Variants in TBC1D14 observed in about 807,000 individuals in gnomAD.
The protein encoded by TBC1D14 is TBC1 domain family member 14.
A neutral mutation model predicts 79.0 loss-of-function variants in TBC1D14; 26 were observed. That is an observed-to-expected ratio of 0.33 (90% confidence interval 0.24 to 0.46). TBC1D14 has a LOEUF of 0.46. Among genes scored for constraint, TBC1D14 ranks in the 20% least tolerant of loss-of-function variants. The probability of loss-of-function intolerance (pLI) is 1.00; values close to 1 mark genes in which losing one functional copy is unlikely to be tolerated. For missense variants in TBC1D14, 769 were observed against 887.6 expected (o/e 0.87, Z 1.70); for synonymous variants, 394 against 349.9 (o/e 1.13, Z -1.40).
intron 9 of TBC1D14, chr4:7,007,438 A>G (rs1720314346): frequency 2.6e-6 from 2 of 769,960 alleles, no homozygotes; most frequent in Non-Finnish European, 3.8e-6. Flanking sequence ...TCCCTTTCTT[A>G]TCTATAACGG....
intron 3 of TBC1D14, among the ~76,000 whole-genome samples, chr4:6,984,032 C>A (rs1717604211): frequency 1.3e-5 from 2 of 151,458 alleles, no homozygotes; most frequent in South Asian, 4.2e-4. Flanking sequence ...AATTCAGGAA[C>A]AGGAAACACA....
intron 3 of TBC1D14, among the ~76,000 whole-genome samples, chr4:6,992,086 G>A (rs1410086579): frequency 1.3e-5 from 2 of 152,314 alleles, no homozygotes; most frequent in African/African-American, 4.8e-5. Context: ...AGCACTCCCT[G>A]TGCACCAGAG....
intron 2 of TBC1D14, among the ~76,000 whole-genome samples, chr4:6,952,473 C>T (rs1195009113): frequency 1.3e-5 from 2 of 152,244 alleles, no homozygotes; most frequent in Admixed American, 1.3e-4. Flanking sequence ...AGACTAGGTG[C>T]TCAGGACCAC....
Position 7,004,848 on chromosome 4 carries a change from C to A in TBC1D14, c.1275C>A (p.Leu425=). Residue 425 remains leucine (L), a synonymous_variant, in exon 8 of 14, where the codon CTC becomes CTA. Coordinates refer to ENST00000409757, the MANE Select transcript of TBC1D14 (RefSeq NM_020773.3). Reference sequence around the variant, plus strand: ...ACCCAGAGGCTTTTCTTCCAGAGCTCTTTGACATCTGTCTTGCCCGAGCCA... The same window carrying A: ...ACCCAGAGGCTTTTCTTCCAGAGCTATTTGACATCTGTCTTGCCCGAGCCA... ...IGNELNITHE[L]FDICLARAKE... The A allele has an allele frequency of 6.2e-7, 1 of 1,614,102 alleles. No individual in the cohort carries two copies. The highest frequency in any genetic ancestry group is 1.1e-5 in the South Asian group (1 of 91,080).
intron 12 of TBC1D14, among the ~76,000 whole-genome samples, chr4:7,024,095 C>T (rs756706120): frequency 7.9e-5 from 12 of 152,236 alleles, no homozygotes; most frequent in Admixed American, 4.6e-4. Flanking sequence ...GAGCACCCCC[C>T]GGCCGGAGTC....
intron 3 of TBC1D14, among the ~76,000 whole-genome samples, chr4:6,986,675 T>C (rs1717860311): frequency 6.6e-6 from 1 of 152,160 alleles, no homozygotes; most frequent in African/African-American, 2.4e-5. Context: ...CCCGACGTAG[T>C]CCTTATGGTG....
intron 2 of TBC1D14, among the ~76,000 whole-genome samples, chr4:6,955,568 A>C (rs575858318): frequency 6.6e-6 from 1 of 152,212 alleles, no homozygotes. Context: ...CGAGTGCTGC[A>C]TTGCTCAGCT....
chr4:6,968,416 C>T (rs766797378), intron 3 of TBC1D14, among the ~76,000 whole-genome samples: 29 of 152,132 alleles, frequency 1.9e-4, no homozygotes, highest in Admixed American at 6.5e-4. Flanking sequence ...ACTCAGCACT[C>T]GTGTTTCTAG....
intron 2 of TBC1D14, among the ~76,000 whole-genome samples, chr4:6,950,024 A>G (rs987889972): frequency 6.6e-6 from 1 of 152,118 alleles, no homozygotes; most frequent in African/African-American, 2.4e-5. Flanking sequence ...TTCAAGCCCC[A>G]CATGCATTAG....
At chr4:6,967,539 T>G (rs1182902921) in intron 3 of TBC1D14, 115 bp downstream of exon 3, 2 of 1,320,358 alleles carry the variant, frequency 1.5e-6, no homozygotes, top group African/African-American at 3.0e-5. Context: ...TTGTATTATC[T>G]GCATACCACG....
At chr4:6,984,355 C>A (rs150587572) in intron 3 of TBC1D14, among the ~76,000 whole-genome samples, 1 of 152,096 alleles carries the variant, frequency 6.6e-6, no homozygotes, top group African/African-American at 2.4e-5. Flanking sequence ...AGCTTCGGCA[C>A]GGTCAGGACT....
chr4:7,012,476 G>A (rs1720876767), intron 11 of TBC1D14, among the ~76,000 whole-genome samples: 1 of 152,120 alleles, frequency 6.6e-6, no homozygotes, highest in Non-Finnish European at 1.5e-5. Context: ...TGTGGACAAA[G>A]CATTATGCAC....
At chr4:6,944,658 T>C in intron 2 of TBC1D14, among the ~76,000 whole-genome samples, 1 of 152,244 alleles carries the variant, frequency 6.6e-6, no homozygotes, top group East Asian at 1.9e-4. Flanking sequence ...CTCTGGCCTC[T>C]GGTTCCTGTA....
intron 3 of TBC1D14, among the ~76,000 whole-genome samples, chr4:6,973,470 C>T (rs997020750): frequency 4.6e-5 from 7 of 152,116 alleles, no homozygotes; most frequent in African/African-American, 1.2e-4. Context: ...GAACAGGTCC[C>T]GGTCCCAGGT....
chr4:6,985,498 G>T (rs1419539244), intron 3 of TBC1D14, among the ~76,000 whole-genome samples: 2 of 152,212 alleles, frequency 1.3e-5, no homozygotes, highest in African/African-American at 2.4e-5. Flanking sequence ...AATTAGGGGT[G>T]TGTGTGTGTT....
intron 1 of TBC1D14, among the ~76,000 whole-genome samples, chr4:6,915,925 GCCAACATGGTGAAAT>G (rs1390831162): frequency 6.6e-6 from 1 of 151,438 alleles, no homozygotes; most frequent in Non-Finnish European, 1.5e-5. Context: ...AACCAGTCTG[GCCAACATGGTGAAAT>G]CCCACCTCTA....
intron 11 of TBC1D14, among the ~76,000 whole-genome samples, chr4:7,011,174 G>A (rs1720728250): frequency 6.6e-6 from 1 of 152,218 alleles, no homozygotes; most frequent in African/African-American, 2.4e-5. Flanking sequence ...CGGTGTTGCT[G>A]CTCATTGTCA....
chr4:7,013,743 C>CTT (rs11318080), intron 11 of TBC1D14, among the ~76,000 whole-genome samples: 2 of 137,104 alleles, frequency 1.5e-5, no homozygotes, highest in African/African-American at 5.5e-5. Flanking sequence ...TTTCCAGATA[C>CTT]TTTTTTTTTT....
intron 3 of TBC1D14, chr4:6,987,315 T>C: frequency 7.2e-7 from 1 of 1,397,486 alleles, no homozygotes; most frequent in Non-Finnish European, 9.4e-7. Context: ...GCATGGAGCC[T>C]CCGGCCGCGC....
Sources: gnomAD v4.1 joint callset for allele counts (sites outside exome capture counted in the v4.1 genomes callset) on GRCh38, gnomAD v4.1.1 for gene constraint, MANE v1.5 for transcripts, NCBI Gene and HGNC (gene_info 2026-07-23, HGNC 2026-07-21) for gene names.